Variants in PRSS12 observed in about 807,000 individuals in gnomAD.
The protein encoded by PRSS12 is serine protease 12.
In PRSS12, 85 loss-of-function variants were observed where a neutral mutation model predicts 104.4. That is an observed-to-expected ratio of 0.81 (90% CI 0.68 to 0.98). The LOEUF (loss-of-function observed/expected upper bound fraction) is 0.98, where lower values mean the gene tolerates loss of function less well. PRSS12 is among the 50% of genes least tolerant of loss of function. The pLI, the probability that PRSS12 is intolerant of heterozygous loss-of-function variation, is 0.00. For synonymous variants in PRSS12, 454 were observed against 425.2 expected (o/e 1.07, Z -0.83); for missense variants, 1,141 against 1,139.2 (o/e 1.00, Z -0.02).
In PRSS12 at chr4:118,320,351, G is replaced by A. The variant is rs185925795; in HGVS notation, c.972-1795C>T. ...GTAAAGTCTTAGATACCAATTTTGC[G>A]GCTAAAAAGGAGCCTGATTCACTAT... On this transcript the variant is annotated intron_variant, in intron 4 of 12. Transcript: ENST00000296498. 1.1e-3 allele frequency among the ~76,000 whole-genome samples: 170 copies of A among 152,118 alleles called. 1 individual carries two copies. The highest frequency in any genetic ancestry group is 3.9e-3 in the African/African-American group (162 of 41,500).
At chr4:118,352,172 G>A (rs1272879233) in intron 1 of PRSS12, 47 bp downstream of exon 1, 2 of 1,605,828 alleles carry the variant, frequency 1.2e-6, no homozygotes, top group Non-Finnish European at 1.7e-6. Context: ...AGCCTCACTG[G>A]CTCCGAGCCC....
intron 9 of PRSS12, among the ~76,000 whole-genome samples, chr4:118,298,306 T>A (rs1743302000): frequency 6.6e-6 from 1 of 152,212 alleles, no homozygotes; most frequent in African/African-American, 2.4e-5. Flanking sequence ...TTTTTGAAAT[T>A]CATTTTTAAA....
rs201288414 is a variant in PRSS12 at position 118,318,743 on chromosome 4, ACC to A, written c.972-189_972-188del. Reference sequence around the variant, plus strand: ...GTTGTCCTTTATATTTTCAGCCATTACCCATGTTTCAAAGTTAGGTACTGCCC... The same window carrying A: ...GTTGTCCTTTATATTTTCAGCCATTACATGTTTCAAAGTTAGGTACTGCCC... On this transcript the variant is annotated intron_variant, in intron 4 of 12. Coordinates refer to ENST00000296498, the MANE Select transcript of PRSS12 (RefSeq NM_003619.4). 5.4e-3 allele frequency among the ~76,000 whole-genome samples: 822 copies of A among 152,186 alleles called. 15 individuals carry two copies. The highest frequency in any genetic ancestry group is 0.019 in the African/African-American group (777 of 41,514).
At chr4:118,334,272 A>T (rs1263337911) in intron 3 of PRSS12, among the ~76,000 whole-genome samples, 3 of 152,306 alleles carry the variant, frequency 2.0e-5, no homozygotes, top group African/African-American at 7.2e-5. Flanking sequence ...AGATGAATAG[A>T]TTATAGAAGG....
At chr4:118,286,148 C>T (rs1240813618) in intron 11 of PRSS12, among the ~76,000 whole-genome samples, 2 of 152,138 alleles carry the variant, frequency 1.3e-5, no homozygotes, top group East Asian at 3.8e-4. Context: ...TCAACCCATC[C>T]CTCATGCTGC....
intron 11 of PRSS12, among the ~76,000 whole-genome samples, chr4:118,284,608 T>C (rs77944457): frequency 0.021 from 3,192 of 152,310 alleles, 42 homozygotes; most frequent in South Asian, 0.034. Flanking sequence ...CTTCTGTTTT[T>C]ACAGCTCTAA....
Position 118,318,461 on chromosome 4 carries a change from A to G in PRSS12, c.1067T>C (p.Ile356Thr), listed in dbSNP as rs1391437761. 6.2e-7 allele frequency: 1 copy of G among 1,614,184 alleles called. No individual in the cohort carries two copies. Among genetic ancestry groups the G allele is most frequent in the East Asian group, 2.2e-5 (1 of 44,870 alleles). The change falls in exon 5 of 13, where the codon ATT becomes ACT. Residue 356 changes from isoleucine to threonine, a missense_variant. By Grantham distance (89) the Ile-to-Thr change is moderately conservative (BLOSUM62 -1). Coordinates refer to ENST00000296498, the MANE Select transcript of PRSS12 (RefSeq NM_003619.4). ...CCAGGAGCTCTTTGGACACTGCTCA[A>G]TTGAAAGCTCATTCCCAGTGCAGCG... ...EVRCTGNELSIEQCPKSSWGE... is the reference protein window; with the variant it reads ...EVRCTGNELSTEQCPKSSWGE...
chr4:118,332,655 T>C (rs1723958280), intron 3 of PRSS12, among the ~76,000 whole-genome samples: 1 of 152,230 alleles, frequency 6.6e-6, no homozygotes, highest in South Asian at 2.1e-4. Flanking sequence ...TCACTCCTCT[T>C]GGCTAGAATG....
At chr4:118,310,424 T>C (rs969247943) in intron 7 of PRSS12, among the ~76,000 whole-genome samples, 1 of 152,238 alleles carries the variant, frequency 6.6e-6, no homozygotes, top group Non-Finnish European at 1.5e-5. Flanking sequence ...TTTCTGAACC[T>C]AATTTTAGCC....
In PRSS12 at chr4:118,337,686, C is replaced by T. The variant is rs539586598; in HGVS notation, c.641+490G>A. Among the ~76,000 whole-genome samples, 3 of 152,170 alleles carry T rather than the reference C, an allele frequency of 2.0e-5. No individual in the cohort carries two copies. In the East Asian group the frequency reaches 5.8e-4, roughly 29 times the overall value. On this transcript the variant is annotated intron_variant, in intron 2 of 12. Coordinates refer to ENST00000296498, the MANE Select transcript of PRSS12 (RefSeq NM_003619.4). ...ACAAGGGCACAGGTAAACATTGCCC[C>T]TTTCACACACAAATGGAACTTGTGG...
intron 4 of PRSS12, among the ~76,000 whole-genome samples, chr4:118,327,034 G>C (rs779740618): frequency 7.7e-4 from 118 of 152,288 alleles, no homozygotes; most frequent in Non-Finnish European, 2.4e-4. Flanking sequence ...TTACAAATTT[G>C]TGTTGGGCCA....
At chr4:118,304,833 T>C (rs187203559) in intron 8 of PRSS12, among the ~76,000 whole-genome samples, 6 of 152,118 alleles carry the variant, frequency 3.9e-5, no homozygotes, top group Non-Finnish European at 5.9e-5. Context: ...CCTTTTTTAT[T>C]ATCTCATTTC....
intron 6 of PRSS12, 133 bp downstream of exon 6, chr4:118,316,049 T>C: frequency 2.1e-6 from 2 of 974,118 alleles, no homozygotes; most frequent in Middle Eastern, 3.1e-4. Context: ...TTTTTCATTG[T>C]TGTACTTCCA....
At chr4:118,341,971 T>A (rs1012621806) in intron 1 of PRSS12, among the ~76,000 whole-genome samples, 2 of 152,186 alleles carry the variant, frequency 1.3e-5, no homozygotes, top group African/African-American at 4.8e-5. Context: ...TGTATGGAAA[T>A]AAGCCAACTA....
intron 8 of PRSS12, among the ~76,000 whole-genome samples, chr4:118,300,654 TAAAATTGATAAACTTA>T (rs1420298329): frequency 2.0e-5 from 3 of 152,092 alleles, no homozygotes; most frequent in Admixed American, 2.0e-4. Context: ...CTATAAATTT[TAAAATTGATAAACTTA>T]AAAATTAAGA....
At chr4:118,327,880 A>G (rs1176999452) in intron 4 of PRSS12, among the ~76,000 whole-genome samples, 4 of 152,202 alleles carry the variant, frequency 2.6e-5, no homozygotes, top group Non-Finnish European at 5.9e-5. Context: ...GTATTTAGGA[A>G]GCTTGCCAGC....
chr4:118,352,820 C>A lies in PRSS12; in HGVS notation c.-100G>T. The A allele has an allele frequency of 6.6e-7, 1 of 1,525,340 alleles. No individual in the cohort carries two copies. Among genetic ancestry groups the A allele is most frequent in the Non-Finnish European group, 8.8e-7 (1 of 1,138,794 alleles). The allele number at this position is 1,525,340 out of a possible 1,614,324, so 94.5% of individuals were successfully genotyped here. A position where few individuals can be genotyped will look rare whatever the true frequency, so the allele number is the denominator to read the frequency against. On this transcript the variant is annotated 5_prime_UTR_variant, in exon 1 of 13. Coordinates refer to ENST00000296498, the MANE Select transcript of PRSS12 (RefSeq NM_003619.4). ...GGCGGGGCTGCCGCGTCCCTCGAAT[C>A]CCCCAGCCCCCTCCCGCCCCCGCAC...
intron 10 of PRSS12, 40 bp from the exon 11 acceptor site, chr4:118,295,101 G>A: frequency 1.2e-6 from 2 of 1,606,270 alleles, no homozygotes; most frequent in Non-Finnish European, 1.7e-6. Context: ...TCAGTAAAAG[G>A]CAAAAAAGCA....
In PRSS12 at chr4:118,352,897, G is replaced by A; in HGVS notation, c.-177C>T. 7.1e-7 allele frequency: 1 copy of A among 1,403,556 alleles called. No individual in the cohort carries two copies. Among genetic ancestry groups the A allele is most frequent in the Non-Finnish European group, 9.3e-7 (1 of 1,080,730 alleles). 86.9% of individuals were successfully genotyped at this position (1,403,556 alleles called of 1,614,324 possible). A position where few individuals can be genotyped will look rare whatever the true frequency, so the allele number is the denominator to read the frequency against. On this transcript the variant is annotated 5_prime_UTR_variant, in exon 1 of 13. Transcript: ENST00000296498. ...TGCCTCCCGCCGCTGGTGCCCTGCC[G>A]CGCCTCGGCTCCTGTCCCCTGGCGG...
Sources: gnomAD v4.1 joint callset for allele counts (sites outside exome capture counted in the v4.1 genomes callset) on GRCh38, gnomAD v4.1.1 for gene constraint, MANE v1.5 for transcripts, NCBI Gene and HGNC (gene_info 2026-07-23, HGNC 2026-07-21) for gene names.